The following GLB1 variants were observed in gnomAD, a reference collection of about 807,000 sequenced individuals.
GLB1 encodes galactosidase beta 1, also known as beta-galactosidase.
GLB1 carries 56 observed loss-of-function variants against 74.0 expected under a neutral mutation model. That is an observed-to-expected ratio of 0.76 (90% confidence interval 0.61 to 0.94). The LOEUF (loss-of-function observed/expected upper bound fraction) is 0.94. GLB1 is among the 40% of genes least tolerant of loss of function. The pLI, the probability that GLB1 is intolerant of heterozygous loss-of-function variation, is 0.00. For synonymous variants in GLB1, 323 were observed against 323.6 expected, an observed-to-expected ratio of 1.00 and a Z score of 0.02; for missense variants, 787 against 845.5, an observed-to-expected ratio of 0.93 and a Z score of 0.86.
intron 10 of GLB1, among the ~76,000 whole-genome samples, chr3:33,033,484 T>TA (rs1301093096): frequency 6.6e-6 from 1 of 152,064 alleles, no homozygotes; most frequent in Non-Finnish European, 1.5e-5. Context: ...ACATTGTTGC[T>TA]AAAAAAGGTG....
chr3:32,971,313 TG>T, the GLB1 span, among the ~76,000 whole-genome samples: 2 of 152,204 alleles, frequency 1.3e-5, no homozygotes, highest in South Asian at 4.1e-4. Context: ...CACTACTAAT[TG>T]TCAAAAAGAC....
At chr3:32,988,466 G>A in the GLB1 span, among the ~76,000 whole-genome samples, 1 of 152,192 alleles carries the variant, frequency 6.6e-6, no homozygotes, top group Admixed American at 6.5e-5. Flanking sequence ...CATGGGCACT[G>A]ACGTTTTATA....
At chr3:33,010,014 A>G (rs988316026) in intron 15 of GLB1, among the ~76,000 whole-genome samples, 1 of 152,222 alleles carries the variant, frequency 6.6e-6, no homozygotes, top group African/African-American at 2.4e-5. Flanking sequence ...TAGACATCTG[A>G]ATTAATTCCA....
intron 14 of GLB1, among the ~76,000 whole-genome samples, chr3:33,015,924 C>T (rs1437444180): frequency 6.6e-6 from 1 of 152,196 alleles, no homozygotes; most frequent in Non-Finnish European, 1.5e-5. Context: ...TCTCTTGACA[C>T]CTTTGCATTC....
At chr3:33,050,954 C>T (rs1217566983) in intron 9 of GLB1, among the ~76,000 whole-genome samples, 8 of 152,112 alleles carry the variant, frequency 5.3e-5, no homozygotes, top group East Asian at 1.9e-4. Context: ...TTTGTCCAGG[C>T]GCAGTGGCTC....
chr3:32,974,448 A>G, the GLB1 span, among the ~76,000 whole-genome samples: 4 of 152,196 alleles, frequency 2.6e-5, no homozygotes, highest in African/African-American at 9.7e-5. Context: ...TATATCATTA[A>G]TCTATCTGTA....
intron 13 of GLB1, 42 bp downstream of exon 13, chr3:33,018,406 C>T (rs762358903): frequency 1.3e-6 from 2 of 1,592,302 alleles, no homozygotes; most frequent in South Asian, 2.2e-5. Flanking sequence ...CTCATCCCCA[C>T]CCTCACTGGG....
At chr3:33,020,124 T>G (rs1463652135) in intron 12 of GLB1, among the ~76,000 whole-genome samples, 1 of 152,214 alleles carries the variant, frequency 6.6e-6, no homozygotes, top group Non-Finnish European at 1.5e-5. Flanking sequence ...GTTCCATTTA[T>G]AGATGTGGGT....
chr3:32,961,524 C>G, the GLB1 span, among the ~76,000 whole-genome samples: 5 of 152,064 alleles, frequency 3.3e-5, no homozygotes, highest in Non-Finnish European at 5.9e-5. Context: ...TTCAAATTTG[C>G]AGGAGGCAGA....
At chr3:33,028,079 ATTTTTG>A (rs1051127140) in intron 10 of GLB1, among the ~76,000 whole-genome samples, 3 of 151,796 alleles carry the variant, frequency 2.0e-5, no homozygotes, top group African/African-American at 7.2e-5. Context: ...TTTTATTTTT[ATTTTTG>A]TAGAAATGGG....
chr3:32,986,349 G>A, the GLB1 span, among the ~76,000 whole-genome samples: 1 of 152,194 alleles, frequency 6.6e-6, no homozygotes, highest in South Asian at 2.1e-4. Context: ...TTTGTTGTAA[G>A]CTACTAAGGT....
chr3:33,081,696 A>G (rs1211409652), intron 1 of GLB1, among the ~76,000 whole-genome samples: 1 of 152,230 alleles, frequency 6.6e-6, no homozygotes, highest in Non-Finnish European at 1.5e-5. Flanking sequence ...CCGCTTAACC[A>G]TCAGAAGCAG....
At chr3:33,055,950 G>A (rs188747089) in intron 6 of GLB1, among the ~76,000 whole-genome samples, 17 of 151,690 alleles carry the variant, frequency 1.1e-4, no homozygotes, top group African/African-American at 1.2e-4. Context: ...ACTACAGACC[G>A]GGCGCGGTGG....
chr3:32,984,252 TAC>T, the GLB1 span, among the ~76,000 whole-genome samples: 1 of 152,144 alleles, frequency 6.6e-6, no homozygotes, highest in African/African-American at 2.4e-5. Flanking sequence ...TACTTGTCCC[TAC>T]ACCCCCCTGA....
intron 1 of GLB1, chr3:33,091,853 A>C: frequency 1.0e-6 from 1 of 985,454 alleles, no homozygotes. Flanking sequence ...GCCTTTTCTA[A>C]CACGGGTGCT....
intron 11 of GLB1, among the ~76,000 whole-genome samples, chr3:33,023,346 C>T (rs1358128459): frequency 6.6e-6 from 1 of 152,152 alleles, no homozygotes; most frequent in Non-Finnish European, 1.5e-5. Flanking sequence ...AAAGAAAGAT[C>T]CTTATCAGAC....
intron 15 of GLB1, among the ~76,000 whole-genome samples, chr3:33,007,833 A>G (rs1018397618): frequency 6.6e-6 from 1 of 152,228 alleles, no homozygotes; most frequent in South Asian, 2.1e-4. Context: ...CCCAGCCTAG[A>G]TAATGAGTAT....
At chr3:32,973,124 G>T in the GLB1 span, among the ~76,000 whole-genome samples, 1 of 152,080 alleles carries the variant, frequency 6.6e-6, no homozygotes, top group Non-Finnish European at 1.5e-5. Context: ...CTCTTTGTTC[G>T]GGGCTTAGTC....
intron 10 of GLB1, among the ~76,000 whole-genome samples, chr3:33,038,875 T>C (rs1698390434): frequency 6.6e-6 from 1 of 152,098 alleles, no homozygotes; most frequent in South Asian, 2.1e-4. Flanking sequence ...TAAAAGTAAA[T>C]CTCTTTTGGA....
Sources: gnomAD v4.1 joint callset for allele counts (sites outside exome capture counted in the v4.1 genomes callset) on GRCh38, gnomAD v4.1.1 for gene constraint, MANE v1.5 for transcripts, NCBI Gene and HGNC (gene_info 2026-07-23, HGNC 2026-07-21) for gene names.